ABCC6: variants seen among roughly 807,000 people sequenced by gnomAD.
ABCC6 encodes ATP-binding cassette sub-family C member 6.
Under a neutral mutation model 169.5 loss-of-function variants are expected in ABCC6, and 126 were observed. The observed-to-expected ratio is 0.74, with a 90% CI of 0.64 to 0.86. ABCC6 has a LOEUF of 0.86. Among genes scored for constraint, ABCC6 ranks in the 40% least tolerant of loss-of-function variants. ABCC6 has a pLI of 0.00. For missense variants in ABCC6, 1,733 were observed against 1,927.2 expected (o/e 0.90, Z 1.89); for synonymous variants, 752 against 814.7 (o/e 0.92, Z 1.31).
intron 25 of ABCC6, among the ~76,000 whole-genome samples, chr16:16,159,911 C>T (rs1202478875): frequency 6.6e-6 from 1 of 152,118 alleles, no homozygotes; most frequent in Admixed American, 6.6e-5. Flanking sequence ...GGACCCAGGC[C>T]CACTGATTCC....
Position 16,169,846 on chromosome 16 carries a change from G to A in ABCC6, c.2795C>T (p.Ala932Val). 6.4e-7 allele frequency: 1 copy of A among 1,553,108 alleles called. No individual in the cohort carries two copies. The highest frequency in any genetic ancestry group is 8.7e-7 in the Non-Finnish European group (1 of 1,148,406). The change falls in exon 22 of 31, where the codon GCC becomes GTC. Residue 932 changes from alanine to valine, a missense_variant. By Grantham distance (64) the Ala-to-Val change is moderately conservative. Transcript: ENST00000205557. The part of the protein sequence containing the change: ...KDSIQYGRVK[A>V]TVHLAYLRAV... ...ACGCAGGTAGGCCAGGTGCACTGTG[G>A]CCTTCACCTGTAGCACACATGAGGG...
intron 23 of ABCC6, among the ~76,000 whole-genome samples, chr16:16,164,976 T>C (rs1219161274): frequency 1.3e-5 from 2 of 152,262 alleles, no homozygotes; most frequent in African/African-American, 2.4e-5. Flanking sequence ...AGTTGGTTGC[T>C]GGTCCCAGCA....
chr16:16,178,012 G>A (rs940583065), intron 18 of ABCC6, among the ~76,000 whole-genome samples: 1 of 148,710 alleles, frequency 6.7e-6, no homozygotes, highest in African/African-American at 2.5e-5. Flanking sequence ...AGGAAAGAGA[G>A]AGAGAGAGAA....
At chr16:16,159,733 A>C in intron 25 of ABCC6, 150 bp from the exon 26 acceptor site, 1 of 719,052 alleles carries the variant, frequency 1.4e-6, no homozygotes, top group Non-Finnish European at 2.5e-6. Flanking sequence ...ACCTGGGCCC[A>C]GGGGATTGGG....
At chr16:16,171,405 CTTATTG>C in intron 21 of ABCC6, among the ~76,000 whole-genome samples, 1 of 152,224 alleles carries the variant, frequency 6.6e-6, no homozygotes, top group East Asian at 1.9e-4. Flanking sequence ...CTTTATAGCA[CTTATTG>C]TTATTGGACA....
chr16:16,187,255 G>T (rs2047680675), intron 13 of ABCC6, 44 bp from the exon 14 acceptor site: 3 of 1,552,396 alleles, frequency 1.9e-6, no homozygotes, highest in Non-Finnish European at 1.8e-6. Context: ...GAAGAGCAAA[G>T]AACTCAGGTT....
intron 22 of ABCC6, among the ~76,000 whole-genome samples, chr16:16,169,184 T>C (rs2046977723): frequency 6.6e-6 from 1 of 152,230 alleles, no homozygotes; most frequent in African/African-American, 2.4e-5. Flanking sequence ...TTGCAAAATA[T>C]CACCAATGGG....
chr16:16,156,713 C>T (rs942277796), intron 27 of ABCC6, among the ~76,000 whole-genome samples: 7 of 151,580 alleles, frequency 4.6e-5, no homozygotes, highest in African/African-American at 1.2e-4. Context: ...TTTGGGAGGC[C>T]GAGGGGGGTG....
chr16:16,163,062 A>G lies in ABCC6; in HGVS notation c.3437T>C (p.Phe1146Ser). The G allele has an allele frequency of 6.2e-7, 1 of 1,613,974 alleles. No individual in the cohort carries two copies. The highest frequency in any genetic ancestry group is 8.5e-7 in the Non-Finnish European group (1 of 1,180,034). The change falls in exon 24 of 31, where the codon TTT becomes TCT. Residue 1146 changes from phenylalanine (F) to serine (S), a missense_variant. By Grantham distance (155) the Phe-to-Ser change is radical (BLOSUM62 -2). Coordinates refer to ENST00000205557, the MANE Select transcript of ABCC6 (RefSeq NM_001171.6). Reference protein sequence around the residue: ...VVRAFRTQAPFVAQNNARVDE... With the variant: ...VVRAFRTQAPSVAQNNARVDE... The stretch of plus-strand genomic sequence containing the variant: ...TACGCGAGCATTGTTCTGAGCCACA[A>G]AGGGGGCCTGGGTTCGGAATGCCCG...
rs984793182 is a variant in ABCC6, at chr16:16,150,442, G to C, written c.4403+136C>G. 8.7e-6 allele frequency: 13 copies of C among 1,497,870 alleles called. 1 individual carries two copies. The highest frequency in any genetic ancestry group is 8.3e-5 in the Admixed American group (4 of 48,030). The allele number at this position is 1,497,870 out of a possible 1,614,324, so 92.8% of individuals were successfully genotyped here. ...GCTTTCCCACTTGGCATGTGTTCCC[G>C]GGCATTCCTCCCGCTCTGGCCCCAT... On this transcript the variant is annotated intron_variant, in intron 30 of 30. Coordinates refer to ENST00000205557, the MANE Select transcript of ABCC6 (RefSeq NM_001171.6).
chr16:16,188,458 TTGTTTTCACCATGC>T (rs1249689857), intron 13 of ABCC6, among the ~76,000 whole-genome samples: 4 of 152,170 alleles, frequency 2.6e-5, no homozygotes, highest in Non-Finnish European at 5.9e-5. Context: ...CCGCCGTTTC[TTGTTTTCACCATGC>T]TGAAAGGACT....
At chr16:16,163,374 T>A (rs2046786104) in intron 23 of ABCC6, among the ~76,000 whole-genome samples, 182 bp from the exon 24 acceptor site, 2 of 152,208 alleles carry the variant, frequency 1.3e-5, no homozygotes, top group Admixed American at 1.3e-4. Context: ...ATCAGAGTTC[T>A]ATGGTTTTTT....
rs141159143 is a variant in ABCC6 at position 16,205,291 on chromosome 16, T to C, written c.795-1678A>G. ...ATTTTACAGAAGGGGAAGCTGAGGCTCTGAGAGATGGCGACAGCCGCCCGA... is the reference window on the plus strand; with the variant it reads ...ATTTTACAGAAGGGGAAGCTGAGGCCCTGAGAGATGGCGACAGCCGCCCGA... On this transcript the variant is annotated intron_variant, in intron 7 of 30. Coordinates refer to ENST00000205557, the MANE Select transcript of ABCC6 (RefSeq NM_001171.6). 1.5e-3 allele frequency among the ~76,000 whole-genome samples: 229 copies of C among 152,238 alleles called. 3 individuals carry two copies. The East Asian group carries it at 0.037, about 25-fold the overall frequency.
intron 12 of ABCC6, 139 bp from the exon 13 acceptor site, chr16:16,189,113 T>A: frequency 1.0e-6 from 1 of 976,738 alleles, no homozygotes; most frequent in Admixed American, 1.9e-5. Context: ...TAGATCCCAC[T>A]CCCAGTCCTG....
At chr16:16,204,275 T>G (rs1305849558) in intron 7 of ABCC6, among the ~76,000 whole-genome samples, 1 of 152,154 alleles carries the variant, frequency 6.6e-6, no homozygotes, top group East Asian at 1.9e-4. Flanking sequence ...AGGTTGGTTT[T>G]GAACTCCTGA....
At chr16:16,202,466 G>A (rs1377708624) in intron 8 of ABCC6, among the ~76,000 whole-genome samples, 1 of 152,060 alleles carries the variant, frequency 6.6e-6, no homozygotes, top group Non-Finnish European at 1.5e-5. Context: ...TTGAAGCCCC[G>A]ACCCCCAGTA....
chr16:16,210,815 C>T lies in ABCC6; in HGVS notation c.662+1370G>A, dbSNP rs569293437. On this transcript the variant is annotated intron_variant, in intron 6 of 30. Transcript: ENST00000205557. ...TCATTTATTTAATAGCCATTTAGGC[C>T]GGGTGCGGTGGCTTATGCCTGTAAT... is the stretch of plus-strand genomic sequence containing the variant. Among the ~76,000 whole-genome samples the T allele has an allele frequency of 3.9e-5, 6 of 152,224 alleles. No homozygotes were observed. In the East Asian group the frequency reaches 7.7e-4, roughly 20 times the overall value.
rs145754426 is a variant in ABCC6 at position 16,164,391 on chromosome 16, G to T, written c.3307-1199C>A. On this transcript the variant is annotated intron_variant, in intron 23 of 30. Transcript: ENST00000205557. ...TACTTCTGGTTTCCTGTGGGAAAGG[G>T]CTGGGTTGGGGTGCTGTCAATCATG... Among the ~76,000 whole-genome samples the T allele has an allele frequency of 1.2e-3, 179 of 152,196 alleles. 1 individual carries two copies. The highest frequency in any genetic ancestry group is 4.1e-3 in the African/African-American group (169 of 41,532).
At chr16:16,182,352 G>A (rs1021064946) in intron 17 of ABCC6, 60 bp downstream of exon 17, 6 of 1,598,066 alleles carry the variant, frequency 3.8e-6, no homozygotes, top group Non-Finnish European at 5.1e-6. Flanking sequence ...ATGAGTCGGG[G>A]ACCCAAATGA....
Sources: allele counts gnomAD v4.1 joint callset (sites outside exome capture counted in the v4.1 genomes callset), GRCh38; gene constraint gnomAD v4.1.1; transcripts MANE v1.5; gene names NCBI Gene and HGNC (gene_info 2026-07-23, HGNC 2026-07-21).